The following INTU variants were observed in gnomAD, a reference collection of about 807,000 sequenced individuals.
INTU encodes protein inturned.
In INTU, 68 loss-of-function variants were observed where a neutral mutation model predicts 100.5. The observed-to-expected ratio is 0.68, with a 90% CI of 0.56 to 0.83. INTU has a LOEUF of 0.83. Among genes scored for constraint, INTU ranks in the 40% least tolerant of loss-of-function variants. The probability of loss-of-function intolerance (pLI) is 0.00; values close to 1 mark genes in which losing one functional copy is unlikely to be tolerated. For missense variants in INTU, 1,071 were observed against 1,114.7 expected, an observed-to-expected ratio of 0.96 and a Z score of 0.56; for synonymous variants, 357 against 395.7, an observed-to-expected ratio of 0.90 and a Z score of 1.16.
chr4:127,634,209 AT>A (rs1196070047), intron 1 of INTU, among the ~76,000 whole-genome samples: 3 of 152,164 alleles, frequency 2.0e-5, no homozygotes, highest in Non-Finnish European at 4.4e-5. Context: ...AAAATATCGT[AT>A]TTTTTTGTAA....
In INTU at chr4:127,633,118, C is replaced by G. The variant is rs770903313; in HGVS notation, c.84C>G (p.Asp28Glu). 3 of 1,614,036 alleles carry G rather than the reference C, an allele frequency of 1.9e-6. No individual in the cohort carries two copies. In the East Asian group the frequency reaches 6.7e-5, roughly 36 times the overall value. Residue 28 changes from aspartate to glutamate, a missense_variant, in exon 1 of 16, where the codon GAC becomes GAG. Transcript: ENST00000335251. The part of the protein sequence containing the change: ...GDPSSQEEDE[D>E]YDFEDRVSDS... ...CCTCTTCACAAGAAGAAGATGAGGA[C>G]TATGATTTTGAAGATCGGGTCAGCG...
rs112950826 is a variant in INTU, at chr4:127,635,472, A to G, written c.146+2292A>G. Among the ~76,000 whole-genome samples, 131 of 152,264 alleles carry G rather than the reference A, an allele frequency of 8.6e-4. 1 individual carries two copies. Among genetic ancestry groups the G allele is most frequent in the African/African-American group, 3.0e-3 (123 of 41,552 alleles). On this transcript the variant is annotated intron_variant, in intron 1 of 15. Transcript: ENST00000335251. The stretch of plus-strand genomic sequence containing the variant: ...AGAGTTTGTCAATGTTGTGACTTGG[A>G]TTTTTAATTTTTCAAAGTGAATTTT...
chr4:127,689,966 G>A (rs1179083552), intron 8 of INTU, among the ~76,000 whole-genome samples: 1 of 151,982 alleles, frequency 6.6e-6, no homozygotes, highest in Non-Finnish European at 1.5e-5. Context: ...CATTCTACCT[G>A]GCCATTACTT....
intron 2 of INTU, among the ~76,000 whole-genome samples, chr4:127,654,338 C>T (rs184152258): frequency 1.3e-5 from 2 of 152,312 alleles, no homozygotes; most frequent in Admixed American, 6.5e-5. Context: ...TACATTTTGG[C>T]ATGATTTTGC....
At chr4:127,686,371 G>C (rs991480663) in intron 7 of INTU, 2 of 152,200 alleles carry the variant, frequency 1.3e-5, no homozygotes, top group Non-Finnish European at 2.9e-5. Flanking sequence ...CACTACAGTA[G>C]CCTCCTAACT....
chr4:127,720,543 T>A lies in INTU; in HGVS notation c.*4107T>A, dbSNP rs1388490881. ...TCAAGTCCTGAATAACTTTGTTAAT[T>A]TTCTGTCTCGATGATCTAATATTGA... On this transcript the variant is annotated 3_prime_UTR_variant, in exon 16 of 16. Coordinates refer to ENST00000335251, the MANE Select transcript of INTU (RefSeq NM_015693.4). The A allele has an allele frequency of 6.6e-6, 1 of 152,178 alleles. No homozygotes were observed. Among genetic ancestry groups the A allele is most frequent in the Non-Finnish European group, 1.5e-5 (1 of 68,022 alleles). 9.4% of individuals were successfully genotyped at this position (152,178 alleles called of 1,614,324 possible). A position where few individuals can be genotyped will look rare whatever the true frequency, so the allele number is the denominator to read the frequency against.
At chr4:127,711,206 G>GT (rs1731082115) in intron 14 of INTU, 104 bp downstream of exon 14, 4 of 905,874 alleles carry the variant, frequency 4.4e-6, no homozygotes, top group Non-Finnish European at 3.1e-6. Flanking sequence ...ATTTCATTAA[G>GT]TTTTTTTAAA....
intron 2 of INTU, among the ~76,000 whole-genome samples, chr4:127,645,705 C>A (rs1016719460): frequency 6.6e-6 from 1 of 151,946 alleles, no homozygotes; most frequent in African/African-American, 2.4e-5. Context: ...GGATTACTGG[C>A]ACCCACCACC....
chr4:127,692,217 A>G (rs1730178624), intron 8 of INTU, among the ~76,000 whole-genome samples: 1 of 151,904 alleles, frequency 6.6e-6, no homozygotes, highest in African/African-American at 2.4e-5. Context: ...TCCCACCAAC[A>G]GTATAAAAGT....
chr4:127,653,024 A>G (rs1294542569), intron 2 of INTU, among the ~76,000 whole-genome samples: 1 of 151,578 alleles, frequency 6.6e-6, no homozygotes, highest in Non-Finnish European at 1.5e-5. Context: ...TGTTTGTAGT[A>G]TTCTCTGATG....
At chr4:127,701,157 T>C (rs1730630936) in intron 9 of INTU, among the ~76,000 whole-genome samples, 1 of 152,090 alleles carries the variant, frequency 6.6e-6, no homozygotes, top group Admixed American at 6.6e-5. Flanking sequence ...TACCAACTTA[T>C]AGGAAATACC....
rs182169608 is a variant in INTU at position 127,680,052 on chromosome 4, A to G, written c.1182-4357A>G. Among the ~76,000 whole-genome samples, 417 of 152,364 alleles carry G rather than the reference A, an allele frequency of 2.7e-3. 2 individuals carry two copies. Among genetic ancestry groups the G allele is most frequent in the Middle Eastern group, 0.01 (3 of 294 alleles). On this transcript the variant is annotated intron_variant, in intron 6 of 15. Coordinates refer to ENST00000335251, the MANE Select transcript of INTU (RefSeq NM_015693.4). ...ACATACACCCTCCCAAGACTAAACC[A>G]GGAAGAAGTTGACTCTCTGAATAGA...
At chr4:127,689,568 G>C (rs1023537464) in intron 8 of INTU, among the ~76,000 whole-genome samples, 22 of 152,036 alleles carry the variant, frequency 1.4e-4, no homozygotes, top group Non-Finnish European at 2.8e-4. Flanking sequence ...AGGATTACTT[G>C]AACCCAGGAG....
intron 8 of INTU, among the ~76,000 whole-genome samples, chr4:127,691,847 G>A (rs1730143701): frequency 6.6e-6 from 1 of 151,146 alleles, no homozygotes; most frequent in Non-Finnish European, 1.5e-5. Context: ...TATGATGTTT[G>A]GTTTTCCATT....
At chr4:127,689,944 C>T (rs538029752) in intron 8 of INTU, among the ~76,000 whole-genome samples, 22 of 152,292 alleles carry the variant, frequency 1.4e-4, no homozygotes, top group African/African-American at 5.1e-4. Context: ...GGTACCATCT[C>T]GTGAGGCTTG....
At chr4:127,702,199 AAAAG>A (rs986470715) in intron 9 of INTU, among the ~76,000 whole-genome samples, 13 of 152,282 alleles carry the variant, frequency 8.5e-5, no homozygotes, top group African/African-American at 2.4e-4. Context: ...CAGTAAAAAA[AAAAG>A]AAAGAAAACC....
At chr4:127,687,972 A>C in intron 8 of INTU, 105 bp downstream of exon 8, 1 of 815,172 alleles carries the variant, frequency 1.2e-6, no homozygotes, top group South Asian at 3.4e-5. Context: ...AATTATGGTT[A>C]AAAATTAAAG....
Position 127,656,650 on chromosome 4 carries a change from G to C in INTU, c.697G>C (p.Ala233Pro). The C allele has an allele frequency of 1.9e-6, 3 of 1,609,380 alleles. No homozygotes were observed. Among genetic ancestry groups the C allele is most frequent in the Non-Finnish European group, 2.6e-6 (3 of 1,176,402 alleles). ...TCTGGTTTCAGGTGATGTCCTTGTT[G>C]CTGTGAATGATGTCGATGTTACTAC... ...GQVLIGDVLV[A>P]VNDVDVTTEN... Residue 233 changes from alanine to proline, a missense_variant, in exon 3 of 16, where the codon GCT (alanine) becomes CCT (proline). Ala to Pro is a conservative substitution (Grantham distance 27). Coordinates refer to ENST00000335251, the MANE Select transcript of INTU (RefSeq NM_015693.4).
chr4:127,693,124 TG>T (rs1250439763), intron 8 of INTU, among the ~76,000 whole-genome samples: 1 of 152,050 alleles, frequency 6.6e-6, no homozygotes, highest in Non-Finnish European at 1.5e-5. Flanking sequence ...AGAATGATGG[TG>T]GTATTTTGAT....
Sources: gnomAD v4.1 joint callset for allele counts (sites outside exome capture counted in the v4.1 genomes callset) on GRCh38, gnomAD v4.1.1 for gene constraint, MANE v1.5 for transcripts, NCBI Gene and HGNC (gene_info 2026-07-23, HGNC 2026-07-21) for gene names.